Variants in DNAH9 observed in about 807,000 individuals in gnomAD.
DNAH9 encodes DNAH9 variant protein.
DNAH9 carries 345 observed loss-of-function variants against 471.6 expected under a neutral mutation model. The observed-to-expected ratio is 0.73, with a 90% CI of 0.67 to 0.80. DNAH9 has a LOEUF of 0.80. Among genes scored for constraint, DNAH9 ranks in the 30% least tolerant of loss-of-function variants. The pLI, the probability that DNAH9 is intolerant of heterozygous loss-of-function variation, is 0.00. For synonymous variants in DNAH9, 2,093 were observed against 2,123.6 expected, an observed-to-expected ratio of 0.99 and a Z score of 0.40; for missense variants, 5,407 against 5,609.2, an observed-to-expected ratio of 0.96 and a Z score of 1.15.
intron 9 of DNAH9, 59 bp downstream of exon 9, chr17:11,636,843 A>C (rs1159290835): frequency 2.8e-6 from 4 of 1,435,332 alleles, no homozygotes; most frequent in East Asian, 2.3e-5. Context: ...GAAGCAACTC[A>C]TTCCTCTTGT....
At chr17:11,614,297 A>G (rs1405740502) in intron 4 of DNAH9, among the ~76,000 whole-genome samples, 1 of 151,920 alleles carries the variant, frequency 6.6e-6, no homozygotes, top group Middle Eastern at 3.4e-3. Context: ...GATGAATTGG[A>G]AAGAAGGAGA....
chr17:11,848,410 T>A (rs989425352), intron 49 of DNAH9, among the ~76,000 whole-genome samples: 2 of 152,180 alleles, frequency 1.3e-5, no homozygotes, highest in Admixed American at 6.5e-5. Context: ...TCCTTTTTTT[T>A]ATTTAAATAA....
In DNAH9 at chr17:11,895,172, A is replaced by C. The variant is rs367793970; in HGVS notation, c.11406+676A>C. Among the ~76,000 whole-genome samples the C allele has an allele frequency of 1.3e-4, 20 of 152,312 alleles. No homozygotes were observed. In the East Asian group the frequency reaches 1.7e-3, roughly 13 times the overall value. ...TTAGCTGGGATTCTATGAGTGTTGAAAAGATCACAAACTATAAGGTTCTTT... is the reference window on the plus strand; with the variant it reads ...TTAGCTGGGATTCTATGAGTGTTGACAAGATCACAAACTATAAGGTTCTTT... On this transcript the variant is annotated intron_variant, in intron 59 of 68. Coordinates refer to ENST00000262442, the MANE Select transcript of DNAH9 (RefSeq NM_001372.4).
chr17:11,918,277 G>A (rs1974023297), intron 61 of DNAH9, among the ~76,000 whole-genome samples: 1 of 151,986 alleles, frequency 6.6e-6, no homozygotes, highest in South Asian at 2.1e-4. Flanking sequence ...TGTTGCCCAC[G>A]CTGGAGTGCA....
chr17:11,725,066 T>C (rs1008968376), intron 27 of DNAH9, among the ~76,000 whole-genome samples: 4 of 152,176 alleles, frequency 2.6e-5, no homozygotes, highest in Non-Finnish European at 4.4e-5. Flanking sequence ...GTGCTGCCAC[T>C]GATCTGACAG....
intron 24 of DNAH9, among the ~76,000 whole-genome samples, chr17:11,701,888 G>T (rs187496238): frequency 6.1e-4 from 93 of 152,182 alleles, no homozygotes; most frequent in Admixed American, 1.4e-3. Context: ...CACCATGCTG[G>T]CCAGGCTGGT....
intron 1 of DNAH9, among the ~76,000 whole-genome samples, chr17:11,603,146 C>T (rs1274996071): frequency 6.6e-6 from 1 of 152,176 alleles, no homozygotes; most frequent in Non-Finnish European, 1.5e-5. Context: ...TTAAAAGAGA[C>T]CAGGGAAAAA....
intron 39 of DNAH9, among the ~76,000 whole-genome samples, chr17:11,781,840 A>AC (rs1405148178): frequency 1.4e-5 from 2 of 146,308 alleles, no homozygotes; most frequent in Non-Finnish European, 3.0e-5. Context: ...TTAAAAAAAA[A>AC]AAACAAACAA....
chr17:11,925,251 T>C, intron 62 of DNAH9: 1 of 446,778 alleles, frequency 2.2e-6, no homozygotes, highest in Non-Finnish European at 4.5e-6. Flanking sequence ...GGTCAAGGAA[T>C]CCATGAAGAA....
In DNAH9 at chr17:11,902,770, T is replaced by C. The variant is rs1022044815; in HGVS notation, c.11458T>C (p.Ser3820Pro). The change falls in exon 60 of 69, where the codon TCT becomes CCT. Residue 3820 changes from serine (S) to proline (P), a missense_variant. This residue lies in a region of DNAH9 where 4,636 missense variants were observed against 4,900.3 expected (regional missense o/e 0.95). Transcript: ENST00000262442. ...TAATCTGGATCGGGACATAGAGGGA[T>C]CTGCTAAGAGCTGGAAAAAGTTTGT... ...FSNLDRDIEG[S>P]AKSWKKFVES... is the part of the protein sequence containing the mutation. The C allele has an allele frequency of 1.8e-5, 29 of 1,613,950 alleles. No individual in the cohort carries two copies. The highest frequency in any genetic ancestry group is 5.5e-5 in the South Asian group (5 of 91,084).
chr17:11,625,412 C>G (rs138529980), intron 6 of DNAH9, among the ~76,000 whole-genome samples: 1 of 152,166 alleles, frequency 6.6e-6, no homozygotes, highest in Non-Finnish European at 1.5e-5. Context: ...GGGTATCTTC[C>G]CTTTTAGCCC....
chr17:11,712,049 TATAA>T (rs2074862246), intron 26 of DNAH9, among the ~76,000 whole-genome samples: 1 of 25,006 alleles, frequency 4.0e-5, no homozygotes, highest in African/African-American at 1.2e-4. Flanking sequence ...TATATTTATA[TATAA>T]ATATATATAT....
chr17:11,823,734 A>G (rs1970395405), intron 48 of DNAH9, among the ~76,000 whole-genome samples: 1 of 152,066 alleles, frequency 6.6e-6, no homozygotes, highest in Non-Finnish European at 1.5e-5. Context: ...GATCGAGACC[A>G]TCCTGGCCAA....
At chr17:11,632,495 C>A (rs2073088845) in intron 7 of DNAH9, 92 bp from the exon 8 acceptor site, 3 of 687,014 alleles carry the variant, frequency 4.4e-6, no homozygotes, top group Non-Finnish European at 7.9e-6. Context: ...TTGGTATAAC[C>A]AGTTCAAACA....
At chr17:11,612,550 C>A (rs1368223323) in intron 4 of DNAH9, 1 of 152,244 alleles carries the variant, frequency 6.6e-6, no homozygotes, top group African/African-American at 2.4e-5. Context: ...TAGCTCCATT[C>A]TGCATTTTCT....
chr17:11,807,631 T>G, intron 43 of DNAH9, 101 bp from the exon 44 acceptor site: 1 of 1,280,002 alleles, frequency 7.8e-7, no homozygotes. Context: ...GCCTGTGACG[T>G]GCCTCCAAGG....
At chr17:11,966,799 GC>G (rs1301108623) in intron 68 of DNAH9, among the ~76,000 whole-genome samples, 18 of 151,868 alleles carry the variant, frequency 1.2e-4, no homozygotes, top group Non-Finnish European at 2.1e-4. Context: ...AGTGGCTCAA[GC>G]CTGTAATCCC....
chr17:11,959,032 GATC>G (rs768208635), intron 67 of DNAH9, among the ~76,000 whole-genome samples: 1 of 152,052 alleles, frequency 6.6e-6, no homozygotes, highest in Non-Finnish European at 1.5e-5. Context: ...AAAATCATAT[GATC>G]ATCTTCATAA....
chr17:11,623,117 G>A lies in DNAH9; in HGVS notation c.1350+3336G>A, dbSNP rs1567671760. Among the ~76,000 whole-genome samples the A allele has an allele frequency of 1.3e-5, 2 of 151,954 alleles. No individual in the cohort carries two copies. The highest frequency in any genetic ancestry group is 2.9e-5 in the Non-Finnish European group (2 of 67,994). ...GCCTCCCAAGTAGCTGGGATTACAG[G>A]CATGTGCCACCATGCCTGGTTAATT... On this transcript the variant is annotated intron_variant, in intron 6 of 68. Transcript: ENST00000262442. This position sits in a 1 kb window ranked among gnomAD's most constrained non-coding sequence, Gnocchi z 4.1.
Sources: allele counts gnomAD v4.1 joint callset (sites outside exome capture counted in the v4.1 genomes callset), GRCh38; gene constraint gnomAD v4.1.1; regional missense constraint gnomAD v4.1.1; non-coding constraint Gnocchi (gnomAD v3.1); transcripts MANE v1.5; gene names NCBI Gene and HGNC (gene_info 2026-07-23, HGNC 2026-07-21).